The following HEMK2 variants were observed in gnomAD, a reference collection of about 807,000 sequenced individuals.
HEMK2 encodes HemK methyltransferase 2, ETF1 glutamine and histone H4 lysine.
chr21:28,683,074 A>G, the HEMK2 span, among the ~76,000 whole-genome samples: 3 of 151,074 alleles, frequency 2.0e-5, no homozygotes, highest in Admixed American at 1.3e-4. Flanking sequence ...TAAATTAAAA[A>G]ATAAAAATAA....
the HEMK2 span, among the ~76,000 whole-genome samples, chr21:28,866,165 C>CA: frequency 2.9e-4 from 23 of 79,634 alleles, 3 homozygotes; most frequent in East Asian, 9.3e-4. Flanking sequence ...CAAAAACAAA[C>CA]AAAAAAAAAA....
chr21:28,687,825 T>C, the HEMK2 span, among the ~76,000 whole-genome samples: 1 of 152,216 alleles, frequency 6.6e-6, no homozygotes, highest in Non-Finnish European at 1.5e-5. Flanking sequence ...CATCACAGCA[T>C]AGTTGTCAGT....
At chr21:28,618,542 T>C in the HEMK2 span, among the ~76,000 whole-genome samples, 23 of 152,244 alleles carry the variant, frequency 1.5e-4, no homozygotes, top group Non-Finnish European at 3.2e-4. Context: ...CTAAGTCCAC[T>C]AGTAAAATAT....
the HEMK2 span, among the ~76,000 whole-genome samples, chr21:28,648,030 T>A: frequency 6.6e-6 from 1 of 152,216 alleles, no homozygotes; most frequent in Non-Finnish European, 1.5e-5. Flanking sequence ...ATAATGCAAA[T>A]CACTAGTCAG....
the HEMK2 span, among the ~76,000 whole-genome samples, chr21:28,853,195 T>A: frequency 6.6e-6 from 1 of 152,114 alleles, no homozygotes; most frequent in Non-Finnish European, 1.5e-5. Flanking sequence ...AGCATCCCAA[T>A]CTCCCTAAGC....
chr21:28,855,206 G>C, the HEMK2 span, among the ~76,000 whole-genome samples: 1 of 152,116 alleles, frequency 6.6e-6, no homozygotes, highest in Non-Finnish European at 1.5e-5. Context: ...AGCAGGGGTT[G>C]CTATTCTAAT....
chr21:28,677,624 T>C, the HEMK2 span, among the ~76,000 whole-genome samples: 7 of 152,040 alleles, frequency 4.6e-5, no homozygotes, highest in Non-Finnish European at 1.0e-4. Context: ...GACCCCCGAG[T>C]AGCCTAACTG....
the HEMK2 span, among the ~76,000 whole-genome samples, chr21:28,663,128 A>G: frequency 6.6e-6 from 1 of 152,220 alleles, no homozygotes; most frequent in African/African-American, 2.4e-5. Context: ...ATGTAAAGAT[A>G]TAACTCTACC....
chr21:28,615,471 C>G, the HEMK2 span, among the ~76,000 whole-genome samples: 1 of 151,542 alleles, frequency 6.6e-6, no homozygotes, highest in Non-Finnish European at 1.5e-5. Context: ...ACCACAGGAC[C>G]AGCAGAGAGG....
At chr21:28,823,530 C>G in the HEMK2 span, among the ~76,000 whole-genome samples, 66 of 152,272 alleles carry the variant, frequency 4.3e-4, no homozygotes, top group African/African-American at 1.6e-3. Context: ...TGAACCATCT[C>G]AGACACTGAA....
the HEMK2 span, among the ~76,000 whole-genome samples, chr21:28,735,793 A>C: frequency 6.6e-6 from 1 of 152,228 alleles, no homozygotes; most frequent in East Asian, 1.9e-4. Context: ...CGGATTTGGA[A>C]AGTTGGTTAT....
chr21:28,791,491 G>A, the HEMK2 span, among the ~76,000 whole-genome samples: 1 of 152,120 alleles, frequency 6.6e-6, no homozygotes, highest in South Asian at 2.1e-4. Context: ...GAGAGAGTGG[G>A]GCTAAGGTAA....
chr21:28,723,540 A>G, the HEMK2 span, among the ~76,000 whole-genome samples: 1 of 152,192 alleles, frequency 6.6e-6, no homozygotes, highest in Non-Finnish European at 1.5e-5. Context: ...ATTTCTAAAG[A>G]GAAAAGATGG....
the HEMK2 span, among the ~76,000 whole-genome samples, chr21:28,774,874 T>G: frequency 6.6e-6 from 1 of 152,208 alleles, no homozygotes; most frequent in Admixed American, 6.5e-5. Flanking sequence ...TTTGAAAAGA[T>G]TATCTCTTCA....
the HEMK2 span, among the ~76,000 whole-genome samples, chr21:28,638,026 C>T: frequency 6.6e-6 from 1 of 152,126 alleles, no homozygotes; most frequent in African/African-American, 2.4e-5. Context: ...CCATTTTCTT[C>T]CACATTTTAG....
the HEMK2 span, among the ~76,000 whole-genome samples, chr21:28,870,249 C>T: frequency 6.6e-6 from 1 of 152,234 alleles, no homozygotes; most frequent in Non-Finnish European, 1.5e-5. Flanking sequence ...CCTGACTGCA[C>T]AAACACAAGC....
chr21:28,580,359 T>G, the HEMK2 span, among the ~76,000 whole-genome samples: 1 of 152,040 alleles, frequency 6.6e-6, no homozygotes, highest in South Asian at 2.1e-4. Flanking sequence ...CAAGGTCACA[T>G]GGTTTGGAAA....
the HEMK2 span, among the ~76,000 whole-genome samples, chr21:28,615,801 C>A: frequency 3.3e-5 from 5 of 152,028 alleles, no homozygotes; most frequent in Admixed American, 6.6e-5. Flanking sequence ...TAATTAGGTT[C>A]AAAATGGAAA....
the HEMK2 span, among the ~76,000 whole-genome samples, chr21:28,855,529 G>C: frequency 6.6e-6 from 1 of 152,120 alleles, no homozygotes; most frequent in Non-Finnish European, 1.5e-5. Flanking sequence ...GGGCCTAATA[G>C]AACTCTTCCA....
Sources: allele counts gnomAD v4.1 joint callset (sites outside exome capture counted in the v4.1 genomes callset), GRCh38; gene constraint gnomAD v4.1.1; transcripts MANE v1.5; gene names NCBI Gene and HGNC (gene_info 2026-07-23, HGNC 2026-07-21).